SDCCAG8: variants seen among roughly 807,000 people sequenced by gnomAD.
The protein encoded by SDCCAG8 is SHH signaling and ciliogenesis regulator SDCCAG8.
A neutral mutation model predicts 101.8 loss-of-function variants in SDCCAG8; 74 were observed. The ratio of observed to expected loss-of-function variants is 0.73; its 90% confidence interval spans 0.60 to 0.88. The LOEUF is 0.88. Ranked by LOEUF, SDCCAG8 falls within the 40% of genes least tolerant of loss-of-function variation. The pLI is 0.00. For missense variants in SDCCAG8, 787 were observed against 822.6 expected, an observed-to-expected ratio of 0.96 and a Z score of 0.53; for synonymous variants, 281 against 292.9, an observed-to-expected ratio of 0.96 and a Z score of 0.41.
intron 16 of SDCCAG8, among the ~76,000 whole-genome samples, chr1:243,479,760 A>G (rs1170195328): frequency 6.6e-6 from 1 of 152,162 alleles, no homozygotes; most frequent in Non-Finnish European, 1.5e-5. Flanking sequence ...GTTTTCATGT[A>G]GACAGTTGGT....
chr1:243,484,816 C>A (rs1422329356), intron 16 of SDCCAG8, among the ~76,000 whole-genome samples: 2 of 152,064 alleles, frequency 1.3e-5, no homozygotes, highest in South Asian at 2.1e-4. Flanking sequence ...GAGGCCAAGG[C>A]GGGCAGATCA....
intron 13 of SDCCAG8, among the ~76,000 whole-genome samples, chr1:243,398,380 T>A (rs1264730648): frequency 6.6e-6 from 1 of 152,156 alleles, no homozygotes; most frequent in East Asian, 1.9e-4. Flanking sequence ...TTTTTTTTAA[T>A]CTGGATGAGG....
At chr1:243,347,418 G>A (rs1216681978) in intron 12 of SDCCAG8, among the ~76,000 whole-genome samples, 3 of 152,104 alleles carry the variant, frequency 2.0e-5, no homozygotes, top group Non-Finnish European at 4.4e-5. Context: ...CAAATTAGGA[G>A]AACAAGTATG....
At chr1:243,320,418 C>T (rs774394036) in intron 9 of SDCCAG8, among the ~76,000 whole-genome samples, 1 of 152,186 alleles carries the variant, frequency 6.6e-6, no homozygotes, top group Admixed American at 6.6e-5. Context: ...AAGACAGTCT[C>T]CACATTCTTT....
intron 12 of SDCCAG8, among the ~76,000 whole-genome samples, chr1:243,369,368 C>A (rs2077163689): frequency 6.6e-6 from 1 of 152,100 alleles, no homozygotes; most frequent in African/African-American, 2.4e-5. Flanking sequence ...TGTGACCGAC[C>A]AAGGGCTCAG....
intron 9 of SDCCAG8, among the ~76,000 whole-genome samples, chr1:243,317,343 CAG>C (rs927845678): frequency 2.5e-4 from 32 of 127,334 alleles, no homozygotes; most frequent in African/African-American, 9.3e-4. Context: ...TTTTTTGAGA[CAG>C]AGTCTTGCCC....
At chr1:243,273,568 A>G (rs1432810496) in intron 3 of SDCCAG8, among the ~76,000 whole-genome samples, 1 of 152,170 alleles carries the variant, frequency 6.6e-6, no homozygotes, top group East Asian at 1.9e-4. Flanking sequence ...CCAGAACACC[A>G]TACACTTGAA....
chr1:243,396,787 C>G (rs1202053844), intron 13 of SDCCAG8, among the ~76,000 whole-genome samples: 1 of 152,202 alleles, frequency 6.6e-6, no homozygotes, highest in African/African-American at 2.4e-5. Context: ...AACACCATGT[C>G]TTACTACTTT....
At chr1:243,484,556 G>A (rs1198915889) in intron 16 of SDCCAG8, among the ~76,000 whole-genome samples, 1 of 152,242 alleles carries the variant, frequency 6.6e-6, no homozygotes, top group Non-Finnish European at 1.5e-5. Flanking sequence ...CATGAGCCAT[G>A]TCTAAGCAGG....
chr1:243,342,381 G>A (rs1398338674), intron 11 of SDCCAG8, among the ~76,000 whole-genome samples: 2 of 152,176 alleles, frequency 1.3e-5, no homozygotes, highest in Admixed American at 1.3e-4. Flanking sequence ...ACATAGTTCT[G>A]GTTCAATTTA....
At chr1:243,261,502 A>G (rs1003751048) in intron 1 of SDCCAG8, among the ~76,000 whole-genome samples, 1 of 152,210 alleles carries the variant, frequency 6.6e-6, no homozygotes, top group Admixed American at 6.5e-5. Context: ...TTGACTTTCT[A>G]TGTTTTGCTT....
chr1:243,399,974 AG>A (rs1241783910), intron 13 of SDCCAG8, among the ~76,000 whole-genome samples: 3 of 152,254 alleles, frequency 2.0e-5, no homozygotes, highest in African/African-American at 4.8e-5. Context: ...TTCAGAGGTT[AG>A]TACCTTGACC....
chr1:243,369,100 G>A (rs2077147730), intron 12 of SDCCAG8, among the ~76,000 whole-genome samples: 1 of 151,994 alleles, frequency 6.6e-6, no homozygotes. Context: ...GGATTTGTCT[G>A]TATTGATTTT....
Position 243,310,009 on chromosome 1 carries a change from G to A in SDCCAG8, c.929+1832G>A, listed in dbSNP as rs186001984. Reference sequence around the variant, plus strand: ...CTCCCGAGTAGCTGGGACTATAGGCGCCCACCACCATGCTTGGCTAATTTT... The same window carrying A: ...CTCCCGAGTAGCTGGGACTATAGGCACCCACCACCATGCTTGGCTAATTTT... On this transcript the variant is annotated intron_variant, in intron 8 of 17. Transcript: ENST00000366541. 1.5e-3 allele frequency among the ~76,000 whole-genome samples: 225 copies of A among 152,010 alleles called. 1 individual carries two copies. The highest frequency in any genetic ancestry group is 5.1e-3 in the African/African-American group (211 of 41,474).
chr1:243,303,454 C>G (rs1269274219), intron 6 of SDCCAG8, among the ~76,000 whole-genome samples: 2 of 152,150 alleles, frequency 1.3e-5, no homozygotes. Context: ...GCCTTCCCTC[C>G]TAACTCCTGC....
At chr1:243,490,267 A>T (rs1666076886) in intron 17 of SDCCAG8, among the ~76,000 whole-genome samples, 1 of 152,216 alleles carries the variant, frequency 6.6e-6, no homozygotes, top group South Asian at 2.1e-4. Context: ...TAAGGCCTGG[A>T]GGTGGAAATG....
intron 9 of SDCCAG8, among the ~76,000 whole-genome samples, chr1:243,319,509 G>T (rs1000227369): frequency 2.6e-5 from 4 of 152,058 alleles, no homozygotes; most frequent in African/African-American, 9.7e-5. Flanking sequence ...AAGTAGCTGG[G>T]ATTACAGGCA....
intron 5 of SDCCAG8, 61 bp from the exon 6 acceptor site, chr1:243,293,030 A>G (rs1057387459): frequency 2.5e-6 from 4 of 1,592,162 alleles, no homozygotes; most frequent in Non-Finnish European, 3.4e-6. Context: ...TTTTATTTGT[A>G]AAATATGCAT....
chr1:243,473,543 G>A (rs1464205347), intron 16 of SDCCAG8, among the ~76,000 whole-genome samples: 1 of 152,140 alleles, frequency 6.6e-6, no homozygotes. Flanking sequence ...CTTTTTAAAG[G>A]CGAAGTGTTT....
Sources: allele counts gnomAD v4.1 joint callset (sites outside exome capture counted in the v4.1 genomes callset), GRCh38; gene constraint gnomAD v4.1.1; transcripts MANE v1.5; gene names NCBI Gene and HGNC (gene_info 2026-07-23, HGNC 2026-07-21).